The following MARCO variants were observed in gnomAD, a reference collection of about 807,000 sequenced individuals.
The protein encoded by MARCO is macrophage receptor with collagenous structure.
MARCO carries 72 observed loss-of-function variants against 70.0 expected under a neutral mutation model. The observed-to-expected ratio is 1.03, with a 90% CI of 0.85 to 1.25. The LOEUF is 1.25. Ranked by LOEUF, MARCO falls within the 50% of genes most tolerant of loss-of-function variation. The pLI, the probability that MARCO is intolerant of heterozygous loss-of-function variation, is 0.00. For missense variants in MARCO, 696 were observed against 659.3 expected (o/e 1.06, Z -0.61); for synonymous variants, 273 against 243.1 (o/e 1.12, Z -1.14).
intron 1 of MARCO, among the ~76,000 whole-genome samples, chr2:118,963,469 G>T (rs1288874159): frequency 4.0e-5 from 6 of 151,200 alleles, no homozygotes; most frequent in Non-Finnish European, 7.4e-5. Flanking sequence ...TATGACCTTG[G>T]TTTTTTTTCA....
At chr2:118,959,892 A>G (rs1278032550) in intron 1 of MARCO, among the ~76,000 whole-genome samples, 2 of 152,184 alleles carry the variant, frequency 1.3e-5, no homozygotes, top group Non-Finnish European at 2.9e-5. Flanking sequence ...ATATGTTATC[A>G]CTGATATGAG....
chr2:118,982,258 A>T lies in MARCO; in HGVS notation c.1000+4A>T, dbSNP rs746931905. ...GCTGGCTCCCCTGGGCGAGCAGGTG[A>T]GGTCCTGGGTCCTATGGTGGGCACA... On this transcript the variant is annotated splice_donor_region_variant and intron_variant, in intron 11 of 16. Transcript: ENST00000327097. 6.2e-7 allele frequency: 1 copy of T among 1,612,438 alleles called. No individual in the cohort carries two copies. The highest frequency in any genetic ancestry group is 1.1e-5 in the South Asian group (1 of 91,024).
Position 118,942,330 on chromosome 2 carries a change from C to G in MARCO, c.30C>G (p.Asp10Glu), listed in dbSNP as rs80217020. Residue 10 changes from aspartate (D) to glutamate (E), a missense_variant, in exon 1 of 17, where the codon GAC becomes GAG. Transcript: ENST00000327097. MRNKKILKE[D>E]ELLSETQQAA... is the part of the protein sequence containing the mutation. ...GAAATAAGAAAATTCTCAAGGAGGA[C>G]GAGCTCTTGAGTGAGACCCAACAAG... 1.9e-6 allele frequency: 3 copies of G among 1,613,554 alleles called. No individual in the cohort carries two copies. In the East Asian group the frequency reaches 6.7e-5, roughly 36 times the overall value.
At chr2:118,966,710 C>T (rs1680058327) in intron 1 of MARCO, among the ~76,000 whole-genome samples, 2 of 152,198 alleles carry the variant, frequency 1.3e-5, no homozygotes, top group Admixed American at 6.5e-5. Flanking sequence ...TCCATGCTTG[C>T]TCCAGCCTCT....
Position 118,994,473 on chromosome 2 carries a change from C to A in MARCO, c.1516C>A (p.His506Asn). ...CTGCACCAAGAATAGCTGGGGCCATCATGACTGCAGCCACGAGGAGGACGC... is the reference window on the plus strand; with the variant it reads ...CTGCACCAAGAATAGCTGGGGCCATAATGACTGCAGCCACGAGGAGGACGC... The part of the protein sequence containing the change: ...WSCTKNSWGH[H>N]DCSHEEDAGV... The change falls in exon 17 of 17, where the codon CAT becomes AAT. Residue 506 changes from histidine (H) to asparagine (N), a missense_variant. His to Asn is a moderately conservative substitution (Grantham distance 68). Around this residue, in one of 3 missense-constraint regions of MARCO, gnomAD observed 58 missense variants for 62.1 expected, o/e 0.93. Transcript: ENST00000327097. The A allele has an allele frequency of 6.2e-7, 1 of 1,613,050 alleles. No individual in the cohort carries two copies. Among genetic ancestry groups the A allele is most frequent in the Non-Finnish European group, 8.5e-7 (1 of 1,179,440 alleles).
intron 1 of MARCO, among the ~76,000 whole-genome samples, chr2:118,950,229 A>C (rs907633913): frequency 6.6e-6 from 1 of 152,196 alleles, no homozygotes; most frequent in African/African-American, 2.4e-5. Context: ...TATGTATCCA[A>C]TTTTAATGTC....
intron 1 of MARCO, among the ~76,000 whole-genome samples, chr2:118,946,234 T>C (rs1338964463): frequency 2.6e-5 from 4 of 152,164 alleles, no homozygotes; most frequent in Non-Finnish European, 4.4e-5. Flanking sequence ...GTGCAATCCA[T>C]AGAGCTTATT....
intron 1 of MARCO, among the ~76,000 whole-genome samples, chr2:118,967,457 C>T (rs1680074485): frequency 6.6e-6 from 1 of 152,088 alleles, no homozygotes. Flanking sequence ...TGAGCCCCCA[C>T]TGAAGGGCTG....
intron 6 of MARCO, among the ~76,000 whole-genome samples, chr2:118,975,789 T>C (rs1011328013): frequency 2.0e-5 from 3 of 152,208 alleles, no homozygotes; most frequent in African/African-American, 7.2e-5. Context: ...TACACGCATA[T>C]ACTCATGCAC....
intron 12 of MARCO, among the ~76,000 whole-genome samples, chr2:118,983,857 G>A (rs1270417485): frequency 6.6e-6 from 1 of 151,964 alleles, no homozygotes; most frequent in Admixed American, 6.6e-5. Flanking sequence ...GAGTATTGGA[G>A]GTAAAACATG....
chr2:118,982,248 C>T lies in MARCO; in HGVS notation c.994C>T (p.Arg332Ter), dbSNP rs778790603. The change falls in exon 11 of 17, where the codon CGA becomes TGA. Residue 332 changes from arginine (R) to a stop codon, truncating the protein, a stop_gained. Coordinates refer to ENST00000327097, the MANE Select transcript of MARCO (RefSeq NM_006770.4). LOFTEE classifies it high-confidence loss of function. ...GCCTGGCAGTGCTGGCTCCCCTGGGCGAGCAGGTGAGGTCCTGGGTCCTAT... is the reference window on the plus strand; with the variant it reads ...GCCTGGCAGTGCTGGCTCCCCTGGGTGAGCAGGTGAGGTCCTGGGTCCTAT... Reference protein sequence around the residue: ...GEPGSAGSPGRAGLPGSPGSP... With the variant: ...GEPGSAGSPG 2.4e-5 allele frequency: 38 copies of T among 1,612,404 alleles called. No individual in the cohort carries two copies. The highest frequency in any genetic ancestry group is 1.6e-4 in the Middle Eastern group (1 of 6,074).
At position 118,943,229 on chromosome 2, in the gene MARCO, G is replaced by A. The variant is rs182358175; in HGVS notation, c.97+832G>A. Among the ~76,000 whole-genome samples, 7 of 152,240 alleles carry A rather than the reference G, an allele frequency of 4.6e-5. No homozygotes were observed. In the East Asian group the frequency reaches 9.6e-4, roughly 21 times the overall value. On this transcript the variant is annotated intron_variant, in intron 1 of 16. Transcript: ENST00000327097. ...CACCTGTCTGCCCAGGTCCCTGCCT[G>A]GAATTTTCAGCGCACAAAGATGAAG... is the stretch of plus-strand genomic sequence containing the variant.
At chr2:118,979,231 C>A (rs1441476418) in intron 8 of MARCO, among the ~76,000 whole-genome samples, 3 of 152,110 alleles carry the variant, frequency 2.0e-5, no homozygotes, top group Non-Finnish European at 2.9e-5. Flanking sequence ...GGGTGGTACC[C>A]AGCAGAAGAA....
At chr2:118,990,564 C>CA in intron 12 of MARCO, 25 bp from the exon 13 acceptor site, 1 of 1,555,676 alleles carries the variant, frequency 6.4e-7, no homozygotes, top group Non-Finnish European at 8.9e-7. Context: ...TCTCCTCCCC[C>CA]CCCCCTTTTT....
At chr2:118,961,544 T>A (rs2104565374) in intron 1 of MARCO, among the ~76,000 whole-genome samples, 1 of 152,348 alleles carries the variant, frequency 6.6e-6, no homozygotes, top group East Asian at 1.9e-4. Context: ...TTCATGTCCC[T>A]TATTCACTTT....
chr2:118,986,673 G>GAA (rs1441107671), intron 12 of MARCO, among the ~76,000 whole-genome samples: 1 of 40,374 alleles, frequency 2.5e-5, no homozygotes, highest in African/African-American at 1.6e-4. Flanking sequence ...AGGAAGGAAG[G>GAA]AAAGAAAGAA....
intron 12 of MARCO, among the ~76,000 whole-genome samples, chr2:118,985,052 C>T (rs1460153963): frequency 1.3e-5 from 2 of 152,124 alleles, no homozygotes; most frequent in Non-Finnish European, 2.9e-5. Flanking sequence ...TCATTATTAT[C>T]AGTGCCTCTG....
In MARCO at chr2:118,971,656, C is replaced by G; in HGVS notation, c.460+122C>G. The G allele has an allele frequency of 9.7e-6, 9 of 930,068 alleles. No individual in the cohort carries two copies. The South Asian group carries it at 1.4e-4, about 14-fold the overall frequency. 57.6% of individuals were successfully genotyped at this position (930,068 alleles called of 1,614,324 possible). A position where few individuals can be genotyped will look rare whatever the true frequency, so the allele number is the denominator to read the frequency against. On this transcript the variant is annotated intron_variant, in intron 4 of 16. Transcript: ENST00000327097. ...CCTAGCTTACCTTCCCCTGTCTCCA[C>G]AGCCTCCTTTGTCTTCAGTTGGGTC... is the stretch of plus-strand genomic sequence containing the variant.
intron 2 of MARCO, among the ~76,000 whole-genome samples, chr2:118,969,767 C>T (rs1169573603): frequency 6.6e-6 from 1 of 152,214 alleles, no homozygotes; most frequent in African/African-American, 2.4e-5. Context: ...ACGAATGCTG[C>T]TTGCACATAT....
Sources: gnomAD v4.1 joint callset for allele counts (sites outside exome capture counted in the v4.1 genomes callset) on GRCh38, gnomAD v4.1.1 for gene constraint, gnomAD v4.1.1 regional missense constraint, MANE v1.5 for transcripts, NCBI Gene and HGNC (gene_info 2026-07-23, HGNC 2026-07-21) for gene names.